NEMF: variants seen among roughly 807,000 people sequenced by gnomAD.
The protein encoded by NEMF is ribosome quality control complex subunit NEMF.
Under a neutral mutation model 162.2 loss-of-function variants are expected in NEMF, and 89 were observed. That is an observed-to-expected ratio of 0.55 (90% CI 0.46 to 0.65). The LOEUF (loss-of-function observed/expected upper bound fraction) is 0.65. Among genes scored for constraint, NEMF ranks in the 30% least tolerant of loss-of-function variants. NEMF has a pLI of 0.00. For synonymous variants in NEMF, 421 were observed against 404.5 expected (o/e 1.04, Z -0.49); for missense variants, 1,133 against 1,261.9 (o/e 0.90, Z 1.55).
In NEMF at chr14:49,814,861, T is replaced by C. The variant is rs371842468; in HGVS notation, c.1578-4A>G. On this transcript the variant is annotated splice_region_variant and splice_polypyrimidine_tract_variant and intron_variant, in intron 16 of 32. Coordinates refer to ENST00000298310, the MANE Select transcript of NEMF (RefSeq NM_004713.6). Reference sequence around the variant, plus strand: ...GAACCACAGAAATTTCTCAAACCTATCAAAATGAAAGAAAAAAAGTTAACT... The same window carrying C: ...GAACCACAGAAATTTCTCAAACCTACCAAAATGAAAGAAAAAAAGTTAACT... 9 of 1,524,270 alleles carry C rather than the reference T, an allele frequency of 5.9e-6. No homozygotes were observed. Among genetic ancestry groups the C allele is most frequent in the African/African-American group, 2.8e-5 (2 of 70,704 alleles). 94.4% of individuals were successfully genotyped at this position (1,524,270 alleles called of 1,614,324 possible).
intron 3 of NEMF, among the ~76,000 whole-genome samples, 156 bp from the exon 4 acceptor site, chr14:49,846,421 T>C (rs1893505555): frequency 6.6e-6 from 1 of 152,196 alleles, no homozygotes. Flanking sequence ...CAGATGATAA[T>C]CAGAGGGAAA....
At chr14:49,791,561 ACT>A (rs1890451059) in intron 26 of NEMF, among the ~76,000 whole-genome samples, 5 of 151,886 alleles carry the variant, frequency 3.3e-5, no homozygotes, top group South Asian at 2.1e-4. Flanking sequence ...ACATGGTGAA[ACT>A]CTGTCGCTAC....
intron 16 of NEMF, among the ~76,000 whole-genome samples, chr14:49,817,584 A>G (rs1891779653): frequency 6.6e-6 from 1 of 152,242 alleles, no homozygotes; most frequent in Admixed American, 6.5e-5. Context: ...AGACTCAATT[A>G]ATTAGGAAGA....
chr14:49,851,418 T>C (rs757516348), intron 3 of NEMF, 145 bp downstream of exon 3: 45 of 607,892 alleles, frequency 7.4e-5, no homozygotes, highest in Non-Finnish European at 1.1e-4. Context: ...AAATATTCAC[T>C]TTATTCAACC....
At position 49,828,680 on chromosome 14, in the gene NEMF, G is replaced by C; in HGVS notation, c.1360C>G (p.Gln454Glu). 5.0e-6 allele frequency: 8 copies of C among 1,599,450 alleles called. No individual in the cohort carries two copies. Among genetic ancestry groups the C allele is most frequent in the Non-Finnish European group, 6.0e-6 (7 of 1,176,398 alleles). The part of the protein sequence containing the change: ...KQKNKQLQKP[Q>E]KNKPLLVDVD... ...TCTACAAGTAAGGGCTTATTTTTCTGAGGCTTCTGCAGCTGTTTATTCTTT... is the reference window on the plus strand; with the variant it reads ...TCTACAAGTAAGGGCTTATTTTTCTCAGGCTTCTGCAGCTGTTTATTCTTT... Residue 454 changes from glutamine to glutamate, a missense_variant, in exon 14 of 33, where the codon CAG (glutamine) becomes GAG (glutamate). Gln to Glu is a conservative substitution (Grantham distance 29, BLOSUM62 2). Coordinates refer to ENST00000298310, the MANE Select transcript of NEMF (RefSeq NM_004713.6).
chr14:49,806,256 ATTTTT>A lies in NEMF; in HGVS notation c.1745-128_1745-124del, dbSNP rs71118803. The A allele has an allele frequency of 8.8e-3, 339 of 38,510 alleles. 4 individuals carry two copies. The highest frequency in any genetic ancestry group is 0.016 in the Admixed American group (36 of 2,258). 2.4% of individuals were successfully genotyped at this position (38,510 alleles called of 1,614,324 possible). A position where few individuals can be genotyped will look rare whatever the true frequency, so the allele number is the denominator to read the frequency against. On this transcript the variant is annotated intron_variant, in intron 18 of 32. Transcript: ENST00000298310. The stretch of plus-strand genomic sequence containing the variant: ...TGTATATATATATATATATATATAT[ATTTTT>A]TTTTTTTTTTTTTTTTTTGAGATGG...
At chr14:49,798,272 C>A (rs890347201) in intron 25 of NEMF, among the ~76,000 whole-genome samples, 3 of 152,088 alleles carry the variant, frequency 2.0e-5, no homozygotes, top group Admixed American at 6.6e-5. Context: ...TGTTTTTGAA[C>A]CTCATGGTAG....
chr14:49,809,374 G>T (rs1435956110), intron 18 of NEMF, among the ~76,000 whole-genome samples: 1 of 152,176 alleles, frequency 6.6e-6, no homozygotes. Context: ...AGACATGGAG[G>T]AAAGGTAAAA....
intron 29 of NEMF, chr14:49,786,423 G>A: frequency 8.5e-6 from 3 of 353,596 alleles, no homozygotes; most frequent in South Asian, 1.0e-4. Context: ...TTGAGTGTTT[G>A]CTATGTGCCA....
intron 23 of NEMF, 143 bp downstream of exon 23, chr14:49,800,277 G>C (rs1890894079): frequency 1.4e-6 from 1 of 724,466 alleles, no homozygotes; most frequent in Non-Finnish European, 2.2e-6. Flanking sequence ...TCTTTGCAGA[G>C]AGACCCAATC....
intron 4 of NEMF, among the ~76,000 whole-genome samples, chr14:49,843,223 G>T (rs1037356866): frequency 6.6e-6 from 1 of 151,942 alleles, no homozygotes; most frequent in East Asian, 1.9e-4. Flanking sequence ...AGCCAGGCGT[G>T]GTGGCTCACC....
rs1889962676 is a variant in NEMF at position 49,782,677 on chromosome 14, G to A, written c.*1959C>T. ...GCACTCTCGAAAAACTAGGTTTATG[G>A]ATTATTTAAGGGCAATAAAACTTCA... On this transcript the variant is annotated 3_prime_UTR_variant, in exon 33 of 33. Coordinates refer to ENST00000298310, the MANE Select transcript of NEMF (RefSeq NM_004713.6). The A allele has an allele frequency of 3.7e-6, 5 of 1,366,464 alleles. No individual in the cohort carries two copies. In the South Asian group the frequency reaches 6.8e-5, roughly 18 times the overall value. 84.6% of individuals were successfully genotyped at this position (1,366,464 alleles called of 1,614,324 possible).
At chr14:49,785,441 A>C (rs569876721) in intron 29 of NEMF, 121 bp from the exon 30 acceptor site, 1 of 684,226 alleles carries the variant, frequency 1.5e-6, no homozygotes, top group East Asian at 2.7e-5. Flanking sequence ...ATACCATCTA[A>C]GCTGGAACAG....
chr14:49,850,819 A>T (rs1263066627), intron 3 of NEMF, among the ~76,000 whole-genome samples: 1 of 152,218 alleles, frequency 6.6e-6, no homozygotes, highest in East Asian at 1.9e-4. Context: ...GAAAGAACAC[A>T]GAAAGCCAAG....
At chr14:49,828,115 T>C (rs895580428) in intron 15 of NEMF, among the ~76,000 whole-genome samples, 176 bp downstream of exon 15, 1 of 152,112 alleles carries the variant, frequency 6.6e-6, no homozygotes, top group Non-Finnish European at 1.5e-5. Context: ...TGAGGAAGAA[T>C]AGGGGAGGAG....
chr14:49,828,539 A>T, intron 14 of NEMF, 77 bp downstream of exon 14: 7 of 1,284,442 alleles, frequency 5.4e-6, no homozygotes, highest in Non-Finnish European at 7.5e-6. Context: ...TGAAATTTAA[A>T]ATTTTTTAAA....
At chr14:49,817,259 A>G (rs1041891824) in intron 16 of NEMF, among the ~76,000 whole-genome samples, 2 of 152,126 alleles carry the variant, frequency 1.3e-5, no homozygotes, top group African/African-American at 4.8e-5. Flanking sequence ...CCTGGCCAAC[A>G]TGATGAAACC....
At position 49,795,831 on chromosome 14, in the gene NEMF, T is replaced by C. The variant is rs778206827; in HGVS notation, c.2579A>G (p.Lys860Arg). 6.2e-7 allele frequency: 1 copy of C among 1,613,284 alleles called. No homozygotes were observed. The highest frequency in any genetic ancestry group is 1.1e-5 in the South Asian group (1 of 90,798). ...VHIETHQNTS[K>R]NVAAVQPMKR... is the part of the protein sequence containing the mutation. ...CATTGGCTGCACAGCCGCAACATTT[T>C]TGCTTGTGTTCTGATGAGTTTCAAT... The change falls in exon 26 of 33, where the codon AAA (lysine) becomes AGA (arginine). Residue 860 changes from lysine to arginine, a missense_variant. Coordinates refer to ENST00000298310, the MANE Select transcript of NEMF (RefSeq NM_004713.6).
rs1259618249 is a variant in NEMF at position 49,784,597 on chromosome 14, A to T, written c.*39T>A. 7.0e-7 allele frequency: 1 copy of T among 1,430,700 alleles called. No individual in the cohort carries two copies. 88.6% of individuals were successfully genotyped at this position (1,430,700 alleles called of 1,614,324 possible). ...ATCTTTGAACTTCCAAAAGGCTATAAAATTGGCTCTTCTCAAATATTTTAG... is the reference window on the plus strand; with the variant it reads ...ATCTTTGAACTTCCAAAAGGCTATATAATTGGCTCTTCTCAAATATTTTAG... On this transcript the variant is annotated 3_prime_UTR_variant, in exon 33 of 33. Transcript: ENST00000298310.
Sources: gnomAD v4.1 joint callset for allele counts (sites outside exome capture counted in the v4.1 genomes callset) on GRCh38, gnomAD v4.1.1 for gene constraint, MANE v1.5 for transcripts, NCBI Gene and HGNC (gene_info 2026-07-23, HGNC 2026-07-21) for gene names.